ZNF827: variants seen among roughly 807,000 people sequenced by gnomAD.
ZNF827 encodes the protein zinc finger protein 827.
ZNF827 carries 13 observed loss-of-function variants against 102.4 expected under a neutral mutation model. The observed-to-expected ratio is 0.13, with a 90% CI of 0.08 to 0.20. The LOEUF (loss-of-function observed/expected upper bound fraction) is 0.20. Ranked by LOEUF, ZNF827 falls within the 10% of genes least tolerant of loss-of-function variation. The pLI is 1.00. For missense variants in ZNF827, 1,103 were observed against 1,344.4 expected (o/e 0.82, Z 2.81); for synonymous variants, 523 against 536.2 (o/e 0.98, Z 0.34).
chr4:145,836,229 A>G (rs1744822108), intron 7 of ZNF827, among the ~76,000 whole-genome samples: 2 of 144,740 alleles, frequency 1.4e-5, no homozygotes, highest in South Asian at 2.3e-4. Flanking sequence ...ATCGTGTCCA[A>G]CTGATCTCTC....
At chr4:145,814,518 G>A (rs1050570411) in intron 8 of ZNF827, among the ~76,000 whole-genome samples, 1 of 152,116 alleles carries the variant, frequency 6.6e-6, no homozygotes, top group African/African-American at 2.4e-5. Context: ...TTAATCTCCA[G>A]TTGGCCACAT....
intron 8 of ZNF827, among the ~76,000 whole-genome samples, chr4:145,789,770 C>T (rs562309421): frequency 6.6e-6 from 1 of 152,298 alleles, no homozygotes; most frequent in East Asian, 1.9e-4. Flanking sequence ...GTTACAATCT[C>T]GATTTGTTCC....
chr4:145,765,737 C>A lies in ZNF827; in HGVS notation c.2862G>T (p.Gly954=). The A allele has an allele frequency of 6.2e-7, 1 of 1,612,470 alleles. No homozygotes were observed. The highest frequency in any genetic ancestry group is 8.5e-7 in the Non-Finnish European group (1 of 1,179,264). ...IKTHIGTKHT[G]EDRKTPSESN... ...ATTCGCTGGGGGTCTTCCTGTCTTC[C>A]CCTGAAAAATAAGCAAATAACCCAG... The change falls in exon 12 of 15, where the codon GGG becomes GGT. Residue 954 remains glycine (G), a splice_region_variant and synonymous_variant. Coordinates refer to ENST00000508784, the MANE Select transcript of ZNF827 (RefSeq NM_001306215.2). This position sits in a 1 kb window ranked among gnomAD's most constrained non-coding sequence, Gnocchi z 4.7.
chr4:145,888,788 C>A (rs1750347740), intron 3 of ZNF827, among the ~76,000 whole-genome samples: 1 of 152,172 alleles, frequency 6.6e-6, no homozygotes. Flanking sequence ...CCTGTATGTT[C>A]ACTTATCCAG....
At chr4:145,934,237 G>A (rs1293399467) in intron 1 of ZNF827, among the ~76,000 whole-genome samples, 1 of 152,182 alleles carries the variant, frequency 6.6e-6, no homozygotes, top group East Asian at 1.9e-4. Flanking sequence ...GTCACCTGCA[G>A]AAGTTAATAC....
chr4:145,881,372 C>G (rs986342130), intron 4 of ZNF827, among the ~76,000 whole-genome samples: 6 of 152,214 alleles, frequency 3.9e-5, no homozygotes, highest in Non-Finnish European at 7.3e-5. Context: ...TGGGAGACAG[C>G]ACAACAATTT....
At chr4:145,827,859 T>C (rs1235459418) in intron 7 of ZNF827, among the ~76,000 whole-genome samples, 2 of 152,252 alleles carry the variant, frequency 1.3e-5, no homozygotes, top group African/African-American at 4.8e-5. Context: ...TGAAAGTTCA[T>C]TTTCAGAATG....
At chr4:145,887,062 G>A (rs1186807976) in intron 3 of ZNF827, among the ~76,000 whole-genome samples, 3 of 152,264 alleles carry the variant, frequency 2.0e-5, no homozygotes, top group African/African-American at 7.2e-5. Flanking sequence ...GCACTTTAGT[G>A]CTGACCTGCT....
intron 7 of ZNF827, among the ~76,000 whole-genome samples, chr4:145,844,866 T>C (rs997124131): frequency 1.9e-4 from 29 of 152,248 alleles, no homozygotes; most frequent in African/African-American, 6.0e-4. Flanking sequence ...ACAGGCCTGA[T>C]GATGCTCTGA....
intron 8 of ZNF827, among the ~76,000 whole-genome samples, chr4:145,787,464 GAAAAAAAAAA>G (rs35041321): frequency 1.2e-5 from 1 of 83,216 alleles, no homozygotes; most frequent in African/African-American, 4.4e-5. Context: ...TCCGTCTCAG[GAAAAAAAAAA>G]AAAAAAAAAA....
intron 1 of ZNF827, among the ~76,000 whole-genome samples, chr4:145,925,951 T>A (rs1753389129): frequency 6.6e-6 from 1 of 152,252 alleles, no homozygotes; most frequent in Non-Finnish European, 1.5e-5. Context: ...TAAAATCAAA[T>A]GTATATTCCT....
intron 7 of ZNF827, among the ~76,000 whole-genome samples, chr4:145,830,055 A>G (rs17020662): frequency 0.26 from 39,551 of 152,150 alleles, 5,366 homozygotes; most frequent in Non-Finnish European, 0.29. Flanking sequence ...TTATCTCAAT[A>G]ATTAATCTGA....
intron 5 of ZNF827, among the ~76,000 whole-genome samples, chr4:145,860,368 G>T (rs1747579466): frequency 6.6e-6 from 1 of 152,158 alleles, no homozygotes; most frequent in Non-Finnish European, 1.5e-5. Context: ...CAAAATAGCA[G>T]GAAGAATTTC....
At chr4:145,846,862 C>T (rs1746017828) in intron 6 of ZNF827, among the ~76,000 whole-genome samples, 2 of 147,004 alleles carry the variant, frequency 1.4e-5, no homozygotes, top group Non-Finnish European at 3.0e-5. Context: ...CAAAAAACAA[C>T]CATCACTCAG....
At chr4:145,811,443 G>A (rs1430576027) in intron 8 of ZNF827, among the ~76,000 whole-genome samples, 3 of 152,164 alleles carry the variant, frequency 2.0e-5, no homozygotes, top group Non-Finnish European at 4.4e-5. Flanking sequence ...GACAGAAATG[G>A]CTATGTACAT....
rs1309628837 is a variant in ZNF827, at chr4:145,762,503, C to T, written c.*17+587G>A. ...AGTGCTTGGTAGAGTACTTAACACA[C>T]GGTAAGCACTCAGGACATACTGGTT... is the stretch of plus-strand genomic sequence containing the variant. On this transcript the variant is annotated intron_variant, in intron 14 of 14. Coordinates refer to ENST00000508784, the MANE Select transcript of ZNF827 (RefSeq NM_001306215.2). This position sits in a 1 kb window ranked among gnomAD's most constrained non-coding sequence, Gnocchi z 4.9. Among the ~76,000 whole-genome samples the T allele has an allele frequency of 6.6e-6, 1 of 152,180 alleles. No homozygotes were observed. Among genetic ancestry groups the T allele is most frequent in the Non-Finnish European group, 1.5e-5 (1 of 68,026 alleles).
At chr4:145,795,293 C>T (rs1281103604) in intron 8 of ZNF827, among the ~76,000 whole-genome samples, 1 of 152,156 alleles carries the variant, frequency 6.6e-6, no homozygotes, top group Non-Finnish European at 1.5e-5. Context: ...GATTACAAAG[C>T]ACCCACCACC....
chr4:145,862,354 A>C (rs6810898), intron 5 of ZNF827, among the ~76,000 whole-genome samples: 1 of 152,220 alleles, frequency 6.6e-6, no homozygotes, highest in Non-Finnish European at 1.5e-5. Context: ...TCAAGAGAAG[A>C]TTTCTCTGGG....
At chr4:145,791,219 G>T (rs1739630264) in intron 8 of ZNF827, among the ~76,000 whole-genome samples, 1 of 152,202 alleles carries the variant, frequency 6.6e-6, no homozygotes, top group Middle Eastern at 3.2e-3. Flanking sequence ...GGGAGGCCCT[G>T]CTTCCTCACA....
Sources: gnomAD v4.1 joint callset for allele counts (sites outside exome capture counted in the v4.1 genomes callset) on GRCh38, gnomAD v4.1.1 for gene constraint, Gnocchi (gnomAD v3.1) non-coding constraint, MANE v1.5 for transcripts, NCBI Gene and HGNC (gene_info 2026-07-23, HGNC 2026-07-21) for gene names.